Variants in CAMKMT observed in about 807,000 individuals in gnomAD.
CAMKMT encodes the protein calmodulin-lysine N-methyltransferase.
CAMKMT carries 53 observed loss-of-function variants against 48.0 expected under a neutral mutation model. The observed-to-expected ratio is 1.10, with a 90% CI of 0.89 to 1.39. CAMKMT has a LOEUF of 1.39. Among genes scored for constraint, CAMKMT ranks in the 40% most tolerant of loss-of-function variants. The pLI, the probability that CAMKMT is intolerant of heterozygous loss-of-function variation, is 0.00. For synonymous variants in CAMKMT, 165 were observed against 152.3 expected (o/e 1.08, Z -0.61); for missense variants, 428 against 402.7 (o/e 1.06, Z -0.54).
At chr2:44,558,037 TCA>T (rs1213107248) in intron 3 of CAMKMT, among the ~76,000 whole-genome samples, 1,954 of 24,652 alleles carry the variant, frequency 0.079, 35 homozygotes, top group African/African-American at 0.19. Context: ...ATTTATTTAT[TCA>T]TTCATTCATT....
At chr2:44,664,438 A>C (rs1674848317) in intron 3 of CAMKMT, among the ~76,000 whole-genome samples, 1 of 152,220 alleles carries the variant, frequency 6.6e-6, no homozygotes, top group Non-Finnish European at 1.5e-5. Context: ...TCTTGGTGTC[A>C]CCCACAGGAG....
intron 7 of CAMKMT, among the ~76,000 whole-genome samples, chr2:44,717,501 T>A (rs928388415): frequency 2.6e-5 from 4 of 152,174 alleles, no homozygotes; most frequent in Non-Finnish European, 5.9e-5. Context: ...CAGTACAATG[T>A]GATGAAAGTA....
At chr2:44,748,769 C>T (rs928538878) in intron 8 of CAMKMT, among the ~76,000 whole-genome samples, 15 of 151,874 alleles carry the variant, frequency 9.9e-5, no homozygotes, top group African/African-American at 3.6e-4. Context: ...CCCAGCTACT[C>T]GGGAGACTGA....
chr2:44,684,978 T>A (rs1676254573), intron 3 of CAMKMT, among the ~76,000 whole-genome samples: 1 of 151,920 alleles, frequency 6.6e-6, no homozygotes, highest in Admixed American at 6.6e-5. Flanking sequence ...AGAAGAGGGA[T>A]TCATTTTTTA....
intron 3 of CAMKMT, among the ~76,000 whole-genome samples, chr2:44,683,442 C>G (rs1201092054): frequency 2.6e-5 from 4 of 152,216 alleles, no homozygotes; most frequent in Admixed American, 2.0e-4. Flanking sequence ...CGGTCATTAA[C>G]TAGCTAGCCT....
chr2:44,766,298 C>T (rs758383994), intron 9 of CAMKMT, 132 bp from the exon 10 acceptor site: 2 of 901,284 alleles, frequency 2.2e-6, no homozygotes, highest in Non-Finnish European at 3.4e-6. Context: ...GAATGTCCAT[C>T]CTGCATAGAC....
rs542577121 is a variant in CAMKMT at position 44,761,699 on chromosome 2, A to T, written c.763-4731A>T. The stretch of plus-strand genomic sequence containing the variant: ...CTGAGAGGTCTTGAAGGGCAATGCC[A>T]TGTTTCCCAAGTTTCCAGCTTTATT... On this transcript the variant is annotated intron_variant, in intron 9 of 10. Transcript: ENST00000378494. Among the ~76,000 whole-genome samples the T allele has an allele frequency of 1.2e-4, 19 of 152,272 alleles. No individual in the cohort carries two copies. In the South Asian group the frequency reaches 3.9e-3, roughly 32 times the overall value.
intron 3 of CAMKMT, among the ~76,000 whole-genome samples, chr2:44,548,780 A>C (rs191785073): frequency 6.6e-6 from 1 of 151,948 alleles, no homozygotes. Context: ...GGAAATGGGG[A>C]CCTCAATTCT....
chr2:44,705,575 C>G (rs932123885), intron 4 of CAMKMT: 8 of 971,250 alleles, frequency 8.2e-6, no homozygotes, highest in African/African-American at 1.8e-5. Context: ...TCAGCTTTAA[C>G]TCTGAGCCGC....
At chr2:44,544,887 G>A (rs1040967519) in intron 3 of CAMKMT, among the ~76,000 whole-genome samples, 1 of 152,108 alleles carries the variant, frequency 6.6e-6, no homozygotes, top group Non-Finnish European at 1.5e-5. Flanking sequence ...TTATTTAAGA[G>A]GTAGAATTAT....
In CAMKMT at chr2:44,701,381, T is replaced by G. The variant is rs557638140; in HGVS notation, c.377-2902T>G. Among the ~76,000 whole-genome samples the G allele has an allele frequency of 3.7e-4, 56 of 152,308 alleles. No homozygotes were observed. The South Asian group carries it at 0.011, about 31-fold the overall frequency. ...GGTTTTGATTTTCACTGAGATAACTTTTAAAAACTTAGATTAGCAAAAATT... is the reference window on the plus strand; with the variant it reads ...GGTTTTGATTTTCACTGAGATAACTGTTAAAAACTTAGATTAGCAAAAATT... On this transcript the variant is annotated intron_variant, in intron 3 of 10. Coordinates refer to ENST00000378494, the MANE Select transcript of CAMKMT (RefSeq NM_024766.5).
chr2:44,632,036 AC>A (rs1379106808), intron 3 of CAMKMT, among the ~76,000 whole-genome samples: 1 of 152,000 alleles, frequency 6.6e-6, no homozygotes, highest in Non-Finnish European at 1.5e-5. Context: ...GATGTCATAA[AC>A]CTCACAATAC....
chr2:44,388,982 A>G (rs1085484), intron 2 of CAMKMT, among the ~76,000 whole-genome samples: 98,383 of 151,822 alleles, frequency 0.65, 32,364 homozygotes, highest in African/African-American at 0.72. Context: ...GTGCTGGTTG[A>G]CCTCCTGCTG....
rs530943891 is a variant in CAMKMT, at chr2:44,619,563, T to C, written c.377-84720T>C. Among the ~76,000 whole-genome samples the C allele has an allele frequency of 4.6e-5, 7 of 152,346 alleles. No individual in the cohort carries two copies. In the East Asian group the frequency reaches 5.8e-4, roughly 13 times the overall value. ...TTCTACATTTTCTACAGTTACATGC[T>C]GGTGCTATCACTTGGCAATTGCCGA... On this transcript the variant is annotated intron_variant, in intron 3 of 10. Transcript: ENST00000378494.
chr2:44,441,699 C>T (rs1666674373), intron 3 of CAMKMT, among the ~76,000 whole-genome samples: 1 of 152,088 alleles, frequency 6.6e-6, no homozygotes. Flanking sequence ...TGGTCTTCTG[C>T]CATATCACTC....
chr2:44,580,833 C>A, intron 3 of CAMKMT, among the ~76,000 whole-genome samples: 1 of 152,034 alleles, frequency 6.6e-6, no homozygotes, highest in East Asian at 1.9e-4. Context: ...ATTGATCTGC[C>A]CCGGTCAGTT....
intron 3 of CAMKMT, among the ~76,000 whole-genome samples, chr2:44,467,904 A>G (rs991212631): frequency 1.3e-5 from 2 of 152,212 alleles, no homozygotes; most frequent in Non-Finnish European, 2.9e-5. Flanking sequence ...TGAAACTACC[A>G]GAAGAAAGTA....
intron 3 of CAMKMT, among the ~76,000 whole-genome samples, chr2:44,412,908 T>A (rs1242348085): frequency 1.3e-5 from 2 of 151,358 alleles, no homozygotes; most frequent in Non-Finnish European, 2.9e-5. Flanking sequence ...AAACCCCGTC[T>A]CCACTAAAAA....
intron 3 of CAMKMT, among the ~76,000 whole-genome samples, chr2:44,507,648 A>C (rs1670329624): frequency 1.3e-5 from 2 of 151,890 alleles, no homozygotes; most frequent in South Asian, 4.2e-4. Context: ...GTTTATAAGC[A>C]CTCTACATGT....
Sources: allele counts gnomAD v4.1 joint callset (sites outside exome capture counted in the v4.1 genomes callset), GRCh38; gene constraint gnomAD v4.1.1; transcripts MANE v1.5; gene names NCBI Gene and HGNC (gene_info 2026-07-23, HGNC 2026-07-21).